The following FGF12 variants were observed in gnomAD, a reference collection of about 807,000 sequenced individuals.
FGF12 encodes fibroblast growth factor 12B.
FGF12 carries 14 observed loss-of-function variants against 23.6 expected under a neutral mutation model. The observed-to-expected ratio is 0.59, with a 90% CI of 0.39 to 0.93. FGF12 has a LOEUF of 0.93. Among genes scored for constraint, FGF12 ranks in the 40% least tolerant of loss-of-function variants. The pLI is 0.00. For missense variants in FGF12, 175 were observed against 217.8 expected (o/e 0.80, Z 1.24); for synonymous variants, 62 against 77.3 (o/e 0.80, Z 1.04).
chr3:192,499,451 A>G (rs1336859453), intron 2 of FGF12, among the ~76,000 whole-genome samples: 1 of 143,572 alleles, frequency 7.0e-6, no homozygotes, highest in East Asian at 2.0e-4. Flanking sequence ...TAATCTGCCA[A>G]CTAAAAGGGT....
intron 5 of FGF12, among the ~76,000 whole-genome samples, chr3:192,166,524 C>T (rs1715170448): frequency 6.6e-6 from 1 of 152,218 alleles, no homozygotes; most frequent in African/African-American, 2.4e-5. Flanking sequence ...CTTGATTGTT[C>T]AAGTCAGAAT....
At chr3:192,499,873 T>C (rs970329432) in intron 2 of FGF12, among the ~76,000 whole-genome samples, 26 of 152,052 alleles carry the variant, frequency 1.7e-4, no homozygotes, top group African/African-American at 6.3e-4. Flanking sequence ...ATTAAGATTC[T>C]GCATTTAAAG....
At chr3:192,309,311 G>T (rs1715815151) in intron 4 of FGF12, among the ~76,000 whole-genome samples, 1 of 152,130 alleles carries the variant, frequency 6.6e-6, no homozygotes, top group Admixed American at 6.5e-5. Context: ...TATCCCATCT[G>T]CTATGGTTTC....
chr3:192,464,776 G>C (rs1237360979), intron 2 of FGF12, among the ~76,000 whole-genome samples: 1 of 152,110 alleles, frequency 6.6e-6, no homozygotes, highest in Non-Finnish European at 1.5e-5. Flanking sequence ...CCTGTGGACT[G>C]GGGAAGGGTA....
chr3:192,698,410 T>C (rs1462808715), intron 2 of FGF12, among the ~76,000 whole-genome samples: 1 of 152,158 alleles, frequency 6.6e-6, no homozygotes, highest in Non-Finnish European at 1.5e-5. Context: ...CAGTCTTTTA[T>C]CACAAAATAC....
chr3:192,536,120 A>G (rs1356690803), intron 2 of FGF12, among the ~76,000 whole-genome samples: 2 of 152,200 alleles, frequency 1.3e-5, no homozygotes, highest in East Asian at 3.8e-4. Flanking sequence ...TAGAACTACA[A>G]CCCACACACC....
chr3:192,228,553 T>A (rs1390933451), intron 4 of FGF12, among the ~76,000 whole-genome samples: 1 of 152,088 alleles, frequency 6.6e-6, no homozygotes, highest in African/African-American at 2.4e-5. Context: ...AGACAAGATA[T>A]TAAAAATAAT....
intron 2 of FGF12, among the ~76,000 whole-genome samples, chr3:192,375,702 A>T (rs544819784): frequency 4.0e-5 from 6 of 150,186 alleles, no homozygotes; most frequent in Non-Finnish European, 8.9e-5. Context: ...TTGTGAACCA[A>T]TAAGGAACCA....
In FGF12 at chr3:192,545,612, G is replaced by A. The variant is rs1177466041; in HGVS notation, c.13+181569C>T. ...CATGGTGAAGAGAATGAAACTGTAG[G>A]TGCTAGAAAAAGTAGCTTCCAGAAG... On this transcript the variant is annotated intron_variant, in intron 2 of 5. Transcript: ENST00000445105. Among the ~76,000 whole-genome samples the A allele has an allele frequency of 2.6e-5, 4 of 152,196 alleles. No homozygotes were observed. The East Asian group carries it at 7.7e-4, about 29-fold the overall frequency.
chr3:192,239,983 G>A (rs953047835), intron 4 of FGF12, among the ~76,000 whole-genome samples: 1 of 152,146 alleles, frequency 6.6e-6, no homozygotes, highest in Non-Finnish European at 1.5e-5. Flanking sequence ...GGTGCAGGGG[G>A]GAAGATCCCA....
chr3:192,658,217 A>G (rs750367659), intron 2 of FGF12, among the ~76,000 whole-genome samples: 4 of 152,238 alleles, frequency 2.6e-5, no homozygotes, highest in African/African-American at 9.6e-5. Flanking sequence ...TTTTCTATAT[A>G]GTTTTATACA....
intron 2 of FGF12, among the ~76,000 whole-genome samples, chr3:192,615,819 T>C (rs1034946763): frequency 6.6e-6 from 1 of 152,038 alleles, no homozygotes; most frequent in African/African-American, 2.4e-5. Flanking sequence ...AAGATGGAAA[T>C]TTATGCCAGG....
chr3:192,366,503 T>C (rs1215401408), intron 2 of FGF12, among the ~76,000 whole-genome samples: 1 of 152,222 alleles, frequency 6.6e-6, no homozygotes, highest in African/African-American at 2.4e-5. Flanking sequence ...ACACTTCTGA[T>C]ACTTTTACTG....
intron 2 of FGF12, among the ~76,000 whole-genome samples, chr3:192,467,361 G>C (rs1486060977): frequency 6.6e-6 from 1 of 152,148 alleles, no homozygotes; most frequent in Non-Finnish European, 1.5e-5. Context: ...CACCTCCTTA[G>C]AGGTCTATGA....
intron 2 of FGF12, among the ~76,000 whole-genome samples, chr3:192,725,705 G>A (rs1352153422): frequency 6.6e-6 from 1 of 152,058 alleles, no homozygotes; most frequent in Non-Finnish European, 1.5e-5. Flanking sequence ...CCAAATACCA[G>A]GTGTCATCTA....
intron 2 of FGF12, among the ~76,000 whole-genome samples, chr3:192,638,827 T>C (rs1186728143): frequency 1.3e-5 from 2 of 152,162 alleles, no homozygotes; most frequent in Non-Finnish European, 2.9e-5. Context: ...AGTAATAACA[T>C]GGCAGTGTCC....
chr3:192,294,167 C>T (rs1714911660), intron 4 of FGF12, among the ~76,000 whole-genome samples: 1 of 152,128 alleles, frequency 6.6e-6, no homozygotes, highest in Non-Finnish European at 1.5e-5. Flanking sequence ...CCTTGCCTTC[C>T]ACCATGATCA....
chr3:192,591,566 T>TTTA (rs1713625246), intron 2 of FGF12, among the ~76,000 whole-genome samples: 5 of 151,844 alleles, frequency 3.3e-5, no homozygotes, highest in Admixed American at 3.3e-4. Context: ...CATCAAGCCC[T>TTTA]TTACCTCAAC....
chr3:192,211,109 T>A (rs548060567), intron 4 of FGF12, among the ~76,000 whole-genome samples: 123 of 152,300 alleles, frequency 8.1e-4, no homozygotes, highest in Non-Finnish European at 1.5e-3. Flanking sequence ...AGGAGGATAT[T>A]ACAGTATTCC....
Sources: gnomAD v4.1 joint callset for allele counts (sites outside exome capture counted in the v4.1 genomes callset) on GRCh38, gnomAD v4.1.1 for gene constraint, MANE v1.5 for transcripts, NCBI Gene and HGNC (gene_info 2026-07-23, HGNC 2026-07-21) for gene names.